The following MGAM variants were observed in gnomAD, a reference collection of about 807,000 sequenced individuals.
MGAM encodes the protein alpha-1,4-glucosidase.
In MGAM, 253 loss-of-function variants were observed where a neutral mutation model predicts 358.8. The observed-to-expected ratio is 0.71, with a 90% CI of 0.64 to 0.78. MGAM has a LOEUF of 0.78. MGAM is among the 30% of genes least tolerant of loss of function. The pLI is 0.00. For synonymous variants in MGAM, 1,105 were observed against 1,227.1 expected, an observed-to-expected ratio of 0.90 and a Z score of 2.08; for missense variants, 3,080 against 3,432.6, an observed-to-expected ratio of 0.90 and a Z score of 2.57.
chr7:142,100,989 T>A, intron 68 of MGAM, 99 bp downstream of exon 68: 1 of 1,096,150 alleles, frequency 9.1e-7, no homozygotes, highest in Non-Finnish European at 1.3e-6. Context: ...ATAACAATTT[T>A]GCATTTTAAA....
Position 142,082,561 on chromosome 7 carries a change from C to T in MGAM, c.6258C>T (p.Ser2086=), listed in dbSNP as rs1233075240. 2.6e-6 allele frequency: 4 copies of T among 1,519,590 alleles called. 1 individual carries two copies. In the Admixed American group the frequency reaches 5.5e-5, roughly 21 times the overall value. The allele number at this position is 1,519,590 out of a possible 1,614,324, so 94.1% of individuals were successfully genotyped here. ...CCCATGGAGTGCTCCTGCTGAACAG[C>T]AATGCCATGGGTAAGGCCATCCAGC... ...GSAHGVLLLN[S]NAMDVTFQPL... is the part of the protein sequence containing the mutation. Residue 2086 remains serine (S), a synonymous_variant, in exon 52 of 71, where the codon AGC becomes AGT. Transcript: ENST00000475668.
chr7:142,067,999 T>G (rs1221189987), intron 42 of MGAM, among the ~76,000 whole-genome samples: 4 of 60,494 alleles, frequency 6.6e-5, no homozygotes, highest in African/African-American at 1.8e-4. Context: ...TTTTTTTTTT[T>G]TTTTTTGAGA....
chr7:142,068,710 T>C lies in MGAM; in HGVS notation c.5061+7T>C, dbSNP rs1437245623. The C allele has an allele frequency of 6.0e-6, 9 of 1,504,276 alleles. 2 individuals are homozygous for C. Among genetic ancestry groups the C allele is most frequent in the Non-Finnish European group, 8.3e-6 (9 of 1,088,296 alleles). The allele number at this position is 1,504,276 out of a possible 1,614,324, so 93.2% of individuals were successfully genotyped here. A position where few individuals can be genotyped will look rare whatever the true frequency, so the allele number is the denominator to read the frequency against. ...TTGGTACGATTACTACACGGTAAGT[T>C]TTTCTGAATGTTTATATAACACGGG... On this transcript the variant is annotated splice_region_variant and intron_variant, in intron 43 of 70. Transcript: ENST00000475668.
Position 142,066,779 on chromosome 7 carries a change from T to C in MGAM, c.4919+58T>C, listed in dbSNP as rs929660772. 9 of 1,501,492 alleles carry C rather than the reference T, an allele frequency of 6.0e-6. 1 individual carries two copies. The African/African-American group carries it at 6.8e-5, about 11-fold the overall frequency. 93.0% of individuals were successfully genotyped at this position (1,501,492 alleles called of 1,614,324 possible). A position where few individuals can be genotyped will look rare whatever the true frequency, so the allele number is the denominator to read the frequency against. On this transcript the variant is annotated intron_variant, in intron 41 of 70. Transcript: ENST00000475668. The stretch of plus-strand genomic sequence containing the variant: ...GGATGACTTATTGCATTCTATGTGG[T>C]AGCAGTTGATATACACAACGCTTCC...
chr7:142,096,039 G>T, intron 64 of MGAM: 1 of 594,950 alleles, frequency 1.7e-6, no homozygotes, highest in Admixed American at 3.0e-5. Context: ...TTCAGGAAGA[G>T]ATTTGAGGGA....
chr7:142,053,694 C>T (rs568398861), intron 26 of MGAM, among the ~76,000 whole-genome samples: 3 of 152,188 alleles, frequency 2.0e-5, no homozygotes, highest in Non-Finnish European at 2.9e-5. Context: ...AGAGCCTGGC[C>T]GATAGTGCTG....
intron 34 of MGAM, among the ~76,000 whole-genome samples, chr7:142,061,596 C>T (rs764630344): frequency 1.2e-4 from 18 of 152,126 alleles, no homozygotes; most frequent in Non-Finnish European, 1.9e-4. Context: ...ACTGGAGCTC[C>T]CCTAGACCAA....
intron 21 of MGAM, among the ~76,000 whole-genome samples, chr7:142,041,976 A>ATATATAATATAATATATATATATTATATG (rs1808755046): frequency 7.6e-5 from 2 of 26,482 alleles, no homozygotes; most frequent in African/African-American, 2.6e-4. Context: ...TATATTATAT[A>ATATATAATATAATATATATATATTATATG]TATATAATAT....
chr7:142,068,723 T>A lies in MGAM; in HGVS notation c.5061+20T>A, dbSNP rs1479694907. ...TACACGGTAAGTTTTTCTGAATGTT[T>A]ATATAACACGGGAATGTGGTAGAGA... is the stretch of plus-strand genomic sequence containing the variant. On this transcript the variant is annotated intron_variant, in intron 43 of 70. Transcript: ENST00000475668. 2.7e-6 allele frequency: 4 copies of A among 1,472,390 alleles called. No homozygotes were observed. Among genetic ancestry groups the A allele is most frequent in the Middle Eastern group, 4.0e-4 (2 of 4,954 alleles). The allele number at this position is 1,472,390 out of a possible 1,614,324, so 91.2% of individuals were successfully genotyped here.
chr7:142,045,040 T>C (rs1809874588), intron 21 of MGAM, among the ~76,000 whole-genome samples: 1 of 100,674 alleles, frequency 9.9e-6, no homozygotes, highest in East Asian at 2.5e-4. Context: ...ACACGTGTAA[T>C]ATATGATATA....
chr7:142,074,317 A>G (rs371121801), intron 45 of MGAM, 144 bp downstream of exon 45: 1 of 660,592 alleles, frequency 1.5e-6, no homozygotes. Flanking sequence ...TTCTGGTTGC[A>G]CCATTCAGGG....
At chr7:142,017,180 C>A (rs782375182) in intron 3 of MGAM, among the ~76,000 whole-genome samples, 8 of 152,220 alleles carry the variant, frequency 5.3e-5, no homozygotes, top group African/African-American at 1.9e-4. Flanking sequence ...ACACTCCCCA[C>A]AACTCTAACA....
chr7:142,061,612 GT>G (rs1812209687), intron 34 of MGAM, among the ~76,000 whole-genome samples: 1 of 152,098 alleles, frequency 6.6e-6, no homozygotes, highest in South Asian at 2.1e-4. Context: ...ACCAAGTCCT[GT>G]TTTTGTTGCC....
At chr7:142,021,503 G>T in intron 5 of MGAM, 83 bp from the exon 6 acceptor site, 2 of 1,371,550 alleles carry the variant, frequency 1.5e-6, no homozygotes, top group Non-Finnish European at 2.0e-6. Context: ...ATCAGTGCCT[G>T]ATTCCAGTAT....
chr7:142,068,247 T>C (rs1347835330), intron 42 of MGAM, among the ~76,000 whole-genome samples: 1 of 140,588 alleles, frequency 7.1e-6, no homozygotes, highest in East Asian at 2.1e-4. Flanking sequence ...TCTGCCTGAC[T>C]TGGACTCCCA....
Position 142,064,402 on chromosome 7 carries a change from G to T in MGAM, c.4364G>T (p.Arg1455Met). 6.2e-7 allele frequency: 1 copy of T among 1,608,490 alleles called. No individual in the cohort carries two copies. The highest frequency in any genetic ancestry group is 8.5e-7 in the Non-Finnish European group (1 of 1,177,496). Reference sequence around the variant, plus strand: ...TCCTCAGATTTGGAGTCCAGGGACAGGGGCCTGAGCAGCAAGACCCTTTGT... The same window carrying T: ...TCCTCAGATTTGGAGTCCAGGGACATGGGCCTGAGCAGCAAGACCCTTTGT... ...PYMPHLESRDRGLSSKTLCME... is the reference protein window; with the variant it reads ...PYMPHLESRDMGLSSKTLCME... The change falls in exon 37 of 71, where the codon AGG becomes ATG. Residue 1455 changes from arginine to methionine, a missense_variant. By Grantham distance (91) the Arg-to-Met change is moderately conservative (BLOSUM62 -1). Coordinates refer to ENST00000475668, the MANE Select transcript of MGAM (RefSeq NM_001365693.1).
intron 65 of MGAM, among the ~76,000 whole-genome samples, chr7:142,096,699 G>T (rs533096758): frequency 1.1e-4 from 17 of 152,234 alleles, no homozygotes; most frequent in Admixed American, 2.6e-4. Context: ...ACTAAAATAA[G>T]GAATAGAAGA....
In MGAM at chr7:142,065,486, C is replaced by T. The variant is rs1219918941; in HGVS notation, c.4618+18C>T. ...TATCATTGGTGCGTGGGTCCTTCCC[C>T]AGGGCCTTTGCCGACAGGGCAGGGA... On this transcript the variant is annotated intron_variant, in intron 38 of 70. Coordinates refer to ENST00000475668, the MANE Select transcript of MGAM (RefSeq NM_001365693.1). The T allele has an allele frequency of 1.2e-6, 2 of 1,613,452 alleles. No homozygotes were observed. The highest frequency in any genetic ancestry group is 8.5e-7 in the Non-Finnish European group (1 of 1,179,632).
At chr7:142,052,070 A>T (rs1811027797) in intron 24 of MGAM, among the ~76,000 whole-genome samples, 1 of 152,176 alleles carries the variant, frequency 6.6e-6, no homozygotes, top group Admixed American at 6.6e-5. Context: ...TGTTTTCATT[A>T]TGCTAAGTAC....
Sources: gnomAD v4.1 joint callset for allele counts (sites outside exome capture counted in the v4.1 genomes callset) on GRCh38, gnomAD v4.1.1 for gene constraint, MANE v1.5 for transcripts, NCBI Gene and HGNC (gene_info 2026-07-23, HGNC 2026-07-21) for gene names.